SLC26A8: variants seen among roughly 807,000 people sequenced by gnomAD.
The protein encoded by SLC26A8 is testis anion transporter 1.
A neutral mutation model predicts 105.0 loss-of-function variants in SLC26A8; 70 were observed. The ratio of observed to expected loss-of-function variants is 0.67; its 90% CI spans 0.55 to 0.81. The LOEUF (loss-of-function observed/expected upper bound fraction) is 0.81. SLC26A8 is among the 40% of genes least tolerant of loss of function. The pLI is 0.00. For synonymous variants in SLC26A8, 415 were observed against 438.3 expected (o/e 0.95, Z 0.66); for missense variants, 998 against 1,181.8 (o/e 0.84, Z 2.28).
At chr6:36,003,655 T>C (rs1336358089) in intron 3 of SLC26A8, among the ~76,000 whole-genome samples, 2 of 103,026 alleles carry the variant, frequency 1.9e-5, no homozygotes, top group Non-Finnish European at 4.5e-5. Context: ...ATTTCTTTTC[T>C]TTTCTTTTTT....
chr6:36,002,720 T>TA (rs1270892862), intron 3 of SLC26A8, among the ~76,000 whole-genome samples: 1 of 151,860 alleles, frequency 6.6e-6, no homozygotes, highest in Non-Finnish European at 1.5e-5. Context: ...TCTTTTTTTT[T>TA]TTTTGAGATG....
chr6:36,000,442 A>G (rs1761488003), intron 3 of SLC26A8, among the ~76,000 whole-genome samples: 2 of 152,214 alleles, frequency 1.3e-5, no homozygotes. Flanking sequence ...CCCCATCCTT[A>G]TGCCTAGTCT....
At chr6:36,001,439 C>T (rs851050) in intron 3 of SLC26A8, among the ~76,000 whole-genome samples, 107,878 of 152,154 alleles carry the variant, frequency 0.71, 38,696 homozygotes, top group Middle Eastern at 0.78. Flanking sequence ...GGCCAATTGT[C>T]TTCTTGCCCT....
chr6:35,968,225 A>G (rs374605687), intron 11 of SLC26A8, among the ~76,000 whole-genome samples: 206 of 150,660 alleles, frequency 1.4e-3, no homozygotes, highest in Middle Eastern at 6.9e-3. Flanking sequence ...GCTCACTGCA[A>G]TCTCTACCTC....
intron 9 of SLC26A8, among the ~76,000 whole-genome samples, chr6:35,976,549 G>A (rs1487276881): frequency 7.2e-6 from 1 of 139,828 alleles, no homozygotes; most frequent in Non-Finnish European, 1.5e-5. Context: ...AGAAGCCCTC[G>A]CTTTTTTTTT....
chr6:36,015,238 G>A (rs1761964059), intron 2 of SLC26A8, among the ~76,000 whole-genome samples: 1 of 151,458 alleles, frequency 6.6e-6, no homozygotes, highest in East Asian at 2.0e-4. Context: ...TCAGCCTACC[G>A]AGTAGCTGGA....
chr6:36,019,687 G>A lies in SLC26A8; in HGVS notation c.21C>T (p.Ser7=), dbSNP rs116551877. 5.3e-5 allele frequency: 85 copies of A among 1,613,478 alleles called. No individual in the cohort carries two copies. The East Asian group carries it at 1.8e-3, about 33-fold the overall frequency. MAQLER[S]AISGFSSKSR... ...ACTTAGAGCTGAAGCCAGAGATGGCGCTCCTCTCTAGTTGTGCCATTCCTG... is the reference window on the plus strand; with the variant it reads ...ACTTAGAGCTGAAGCCAGAGATGGCACTCCTCTCTAGTTGTGCCATTCCTG... The change falls in exon 2 of 20, where the codon AGC becomes AGT. Residue 7 remains serine (S), a synonymous_variant. Coordinates refer to ENST00000490799, the MANE Select transcript of SLC26A8 (RefSeq NM_052961.4).
chr6:35,944,381 T>A, intron 19 of SLC26A8, 41 bp from the exon 20 acceptor site: 1 of 1,437,282 alleles, frequency 7.0e-7, no homozygotes. Context: ...TAATTAAATT[T>A]AACCTTCTGC....
intron 5 of SLC26A8, among the ~76,000 whole-genome samples, chr6:35,995,655 C>T (rs982312163): frequency 2.9e-5 from 4 of 139,530 alleles, no homozygotes; most frequent in Admixed American, 7.4e-5. Context: ...AGGCGTGCAC[C>T]ACCACACCCA....
chr6:36,019,764 C>A, intron 1 of SLC26A8, 55 bp from the exon 2 acceptor site: 1 of 1,451,828 alleles, frequency 6.9e-7, no homozygotes, highest in South Asian at 1.4e-5. Flanking sequence ...TCCAGATCCT[C>A]GGCATATTTT....
intron 14 of SLC26A8, 60 bp downstream of exon 14, chr6:35,960,783 C>T: frequency 6.6e-7 from 1 of 1,507,646 alleles, no homozygotes; most frequent in South Asian, 1.2e-5. Context: ...AAAAACTAAG[C>T]ATGAGGTGGG....
Position 36,024,497 on chromosome 6 carries a change from G to T in SLC26A8, c.-3+7C>A, listed in dbSNP as rs1469390006. 9.0e-6 allele frequency: 4 copies of T among 445,542 alleles called. No homozygotes were observed. The Admixed American group carries it at 9.6e-5, about 11-fold the overall frequency. The allele number at this position is 445,542 out of a possible 1,614,324, so 27.6% of individuals were successfully genotyped here. ...CGGCGCCCAGGCGTCTCCCAGCAGC[G>T]GCTCACCTGGCTCCTTGGCGGGGGC... On this transcript the variant is annotated splice_region_variant and intron_variant, in intron 1 of 19. Transcript: ENST00000490799.
At chr6:35,946,756 A>G (rs919275076) in intron 19 of SLC26A8, among the ~76,000 whole-genome samples, 2 of 151,232 alleles carry the variant, frequency 1.3e-5, no homozygotes, top group African/African-American at 4.9e-5. Context: ...GGCACAATCA[A>G]AGCTCACTGT....
intron 17 of SLC26A8, among the ~76,000 whole-genome samples, chr6:35,953,698 GA>G (rs998171025): frequency 1.3e-5 from 2 of 152,146 alleles, no homozygotes; most frequent in African/African-American, 4.8e-5. Context: ...TCATGGATGG[GA>G]AAGCTCTTAA....
chr6:36,021,863 G>A (rs1040953956), intron 1 of SLC26A8, among the ~76,000 whole-genome samples: 2 of 151,766 alleles, frequency 1.3e-5, no homozygotes, highest in East Asian at 3.9e-4. Flanking sequence ...AGCTCACAGG[G>A]TTTCACGGTG....
Position 35,955,394 on chromosome 6 carries a change from T to C in SLC26A8, c.1990A>G (p.Thr664Ala). 1 of 1,614,198 alleles carries C rather than the reference T, an allele frequency of 6.2e-7. No individual in the cohort carries two copies. The highest frequency in any genetic ancestry group is 1.1e-5 in the South Asian group (1 of 91,086). ...TTTTTCTGAGACACGGACGATACTGTGTATGGCACTTGGTCTTCGGATGCA... is the reference window on the plus strand; with the variant it reads ...TTTTTCTGAGACACGGACGATACTGCGTATGGCACTTGGTCTTCGGATGCA... The part of the protein sequence containing the change: ...QTASEDQVPY[T>A]VSSVSQKNQG... The change falls in exon 17 of 20, where the codon ACA (threonine) becomes GCA (alanine). Residue 664 changes from threonine to alanine, a missense_variant. Coordinates refer to ENST00000490799, the MANE Select transcript of SLC26A8 (RefSeq NM_052961.4).
rs1294272370 is a variant in SLC26A8 at position 35,962,570 on chromosome 6, T to C, written c.1417A>G (p.Ile473Val). The C allele has an allele frequency of 6.2e-7, 1 of 1,614,090 alleles. No homozygotes were observed. Among genetic ancestry groups the C allele is most frequent in the South Asian group, 1.1e-5 (1 of 91,080 alleles). The change falls in exon 12 of 20, where the codon ATT becomes GTT. Residue 473 changes from isoleucine (I) to valine (V), a missense_variant. Ile to Val is a conservative substitution (Grantham distance 29). Transcript: ENST00000490799. ...CTCCACAGGCTGGGTAGGTTAGAAA[T>C]GGTTTCAAGGTAGGGAATGACGTTG... ...LSNVIPYLET[I>V]SNLPSLWRQD...
At chr6:35,966,182 G>A (rs879051125) in intron 11 of SLC26A8, among the ~76,000 whole-genome samples, 1 of 152,124 alleles carries the variant, frequency 6.6e-6, no homozygotes, top group Admixed American at 6.6e-5. Context: ...CCAGTGACCC[G>A]TTAGACACAA....
intron 11 of SLC26A8, among the ~76,000 whole-genome samples, chr6:35,964,899 A>G (rs1179043326): frequency 6.6e-6 from 1 of 151,478 alleles, no homozygotes; most frequent in Non-Finnish European, 1.5e-5. Flanking sequence ...CCTGGGAGGC[A>G]GAGGTTGCAG....
Sources: allele counts gnomAD v4.1 joint callset (sites outside exome capture counted in the v4.1 genomes callset), GRCh38; gene constraint gnomAD v4.1.1; transcripts MANE v1.5; gene names NCBI Gene and HGNC (gene_info 2026-07-23, HGNC 2026-07-21).